Variants in DOT1L observed in about 807,000 individuals in gnomAD.
DOT1L encodes histone-lysine N-methyltransferase, H3 lysine-79 specific.
A neutral mutation model predicts 153.3 loss-of-function variants in DOT1L; 33 were observed. The ratio of observed to expected loss-of-function variants is 0.22; its 90% CI spans 0.16 to 0.29. The LOEUF (loss-of-function observed/expected upper bound fraction) is 0.29. Among genes scored for constraint, DOT1L ranks in the 10% least tolerant of loss-of-function variants. DOT1L has a pLI of 1.00. For missense variants in DOT1L, 1,847 were observed against 2,119.9 expected (o/e 0.87, Z 2.53); for synonymous variants, 1,135 against 965.1 (o/e 1.18, Z -3.26).
rs770252975 is a variant in DOT1L, at chr19:2,208,894, T to C, written c.964-41T>C. On this transcript the variant is annotated intron_variant, in intron 11 of 27. Coordinates refer to ENST00000398665, the MANE Select transcript of DOT1L (RefSeq NM_032482.3). This position sits in a 1 kb window ranked among gnomAD's most constrained non-coding sequence, Gnocchi z 4.4. ...TGTCCAGACAAATCCGAACAGAGAT[T>C]GGGACTCCCTTCTAATCAGGGTTCT... 6.2e-6 allele frequency: 10 copies of C among 1,602,608 alleles called. No individual in the cohort carries two copies. In the South Asian group the frequency reaches 6.7e-5, roughly 11 times the overall value.
At chr19:2,214,407 A>T in intron 18 of DOT1L, 64 bp from the exon 19 acceptor site, 1 of 1,584,618 alleles carries the variant, frequency 6.3e-7, no homozygotes, top group Non-Finnish European at 8.6e-7. Flanking sequence ...CCCTGCCCTG[A>T]GAGTGTGGGG....
Position 2,190,860 on chromosome 19 carries a change from A to T in DOT1L, c.265-152A>T. The T allele has an allele frequency of 2.9e-6, 2 of 699,770 alleles. No individual in the cohort carries two copies. The allele number at this position is 699,770 out of a possible 1,614,324, so 43.3% of individuals were successfully genotyped here. On this transcript the variant is annotated intron_variant, in intron 4 of 27. Transcript: ENST00000398665. The surrounding 1 kb of genome is among the most constrained non-coding windows in gnomAD (Gnocchi z 4.8). The stretch of plus-strand genomic sequence containing the variant: ...TGTAGGAAATGGGGCTGGGTTGGAA[A>T]CTGACCTGGGAGCCCGGCAGCCACC...
In DOT1L at chr19:2,185,816, A is replaced by C. The variant is rs778588021; in HGVS notation, c.126-39A>C. 226 of 1,607,604 alleles carry C rather than the reference A, an allele frequency of 1.4e-4. 1 individual carries two copies. In the Middle Eastern group the frequency reaches 1.8e-3, roughly 13 times the overall value. On this transcript the variant is annotated intron_variant, in intron 2 of 27. Coordinates refer to ENST00000398665, the MANE Select transcript of DOT1L (RefSeq NM_032482.3). ...CAAAACACAAAACAAAACAAAAAAA[A>C]CCAAACCCTTCCTGATCGTTTCTGC...
intron 1 of DOT1L, among the ~76,000 whole-genome samples, chr19:2,166,327 C>G (rs985889236): frequency 6.7e-6 from 1 of 149,552 alleles, no homozygotes; most frequent in Non-Finnish European, 1.5e-5. Context: ...AACTCCTGAC[C>G]TCTGGTGATC....
In DOT1L at chr19:2,168,331, G is replaced by A. The variant is rs1273416414; in HGVS notation, c.81+4066G>A. ...AAAAAATTTAAAACAGTGAAGTTAA[G>A]TAGATTATAAATAGAAGTTCAGCAG... On this transcript the variant is annotated intron_variant, in intron 1 of 27. Transcript: ENST00000398665. 3.9e-5 allele frequency among the ~76,000 whole-genome samples: 6 copies of A among 152,164 alleles called. No homozygotes were observed. The East Asian group carries it at 1.2e-3, about 29-fold the overall frequency.
chr19:2,226,059 T>C, intron 26 of DOT1L, 124 bp from the exon 27 acceptor site: 2 of 1,094,954 alleles, frequency 1.8e-6, no homozygotes, highest in East Asian at 5.4e-5. Flanking sequence ...GCTTGGCATC[T>C]TGAGTGTCTG....
chr19:2,172,138 A>G (rs2021668014), intron 1 of DOT1L, among the ~76,000 whole-genome samples: 1 of 151,798 alleles, frequency 6.6e-6, no homozygotes, highest in South Asian at 2.1e-4. Flanking sequence ...AGTTCTGCAC[A>G]GCATGCAGCT....
rs1221664937 is a variant in DOT1L, at chr19:2,207,072, G to A, written c.856+275G>A. ...CACTCCTCGGGGAGACCCCGGCTTCGAGGGGAGGCGTGAAGGATTTACAGG... is the reference window on the plus strand; with the variant it reads ...CACTCCTCGGGGAGACCCCGGCTTCAAGGGGAGGCGTGAAGGATTTACAGG... On this transcript the variant is annotated intron_variant, in intron 10 of 27. Transcript: ENST00000398665. This position sits in a 1 kb window ranked among gnomAD's most constrained non-coding sequence, Gnocchi z 4.5. Among the ~76,000 whole-genome samples, 2 of 152,206 alleles carry A rather than the reference G, an allele frequency of 1.3e-5. No homozygotes were observed. The highest frequency in any genetic ancestry group is 2.9e-5 in the Non-Finnish European group (2 of 68,032).
In DOT1L at chr19:2,220,137, C is replaced by A. The variant is rs749061261; in HGVS notation, c.2721C>A (p.Pro907=). ...GCACCCCCAGTCCCGTGCTGCAGCC[C>A]CGTGACCCCTCGTCCACACTTGAAA... ...ARSTPSPVLQ[P]RDPSSTLEKQ... Residue 907 remains proline (P), a synonymous_variant, in exon 23 of 28, where the codon CCC becomes CCA. Transcript: ENST00000398665. This position sits in a 1 kb window ranked among gnomAD's most constrained non-coding sequence, Gnocchi z 4.5. 1.3e-5 allele frequency: 21 copies of A among 1,612,652 alleles called. No homozygotes were observed. Among genetic ancestry groups the A allele is most frequent in the Admixed American group, 1.7e-5 (1 of 59,986 alleles).
chr19:2,217,984 G>A lies in DOT1L; in HGVS notation c.2691+66G>A. Reference sequence around the variant, plus strand: ...AGGCAAAACAGTCTGGGGTGCTCGAGACCTGGCTCACTTTGCGAAGTCTCA... The same window carrying A: ...AGGCAAAACAGTCTGGGGTGCTCGAAACCTGGCTCACTTTGCGAAGTCTCA... On this transcript the variant is annotated intron_variant, in intron 22 of 27. Transcript: ENST00000398665. This position sits in a 1 kb window ranked among gnomAD's most constrained non-coding sequence, Gnocchi z 7.3. 2 of 1,562,902 alleles carry A rather than the reference G, an allele frequency of 1.3e-6. No homozygotes were observed. The highest frequency in any genetic ancestry group is 8.7e-7 in the Non-Finnish European group (1 of 1,155,454).
At position 2,223,592 on chromosome 19, in the gene DOT1L, T is replaced by C. The variant is rs558881737; in HGVS notation, c.3596+106T>C. On this transcript the variant is annotated intron_variant, in intron 25 of 27. Coordinates refer to ENST00000398665, the MANE Select transcript of DOT1L (RefSeq NM_032482.3). ...TGGGTGGGGAGGACCGGCAGGCTCT[T>C]AGGGGGTGCCCTGGATGGGAGGAAG... The C allele has an allele frequency of 9.1e-5, 104 of 1,145,876 alleles. No homozygotes were observed. The African/African-American group carries it at 1.6e-3, about 17-fold the overall frequency. The allele number at this position is 1,145,876 out of a possible 1,614,324, so 71.0% of individuals were successfully genotyped here. A position where few individuals can be genotyped will look rare whatever the true frequency, so the allele number is the denominator to read the frequency against.
At position 2,191,288 on chromosome 19, in the gene DOT1L, C is replaced by T. The variant is rs113111011; in HGVS notation, c.493+48C>T. ...GGCTCCTGTGCACTTCCAGGCCACA[C>T]GCTCTGTGCCTGCCCCATGCCTGCT... On this transcript the variant is annotated intron_variant, in intron 5 of 27. Coordinates refer to ENST00000398665, the MANE Select transcript of DOT1L (RefSeq NM_032482.3). The surrounding 1 kb of genome is among the most constrained non-coding windows in gnomAD (Gnocchi z 6.8). 41 of 1,559,782 alleles carry T rather than the reference C, an allele frequency of 2.6e-5. 1 individual carries two copies. Among genetic ancestry groups the T allele is most frequent in the African/African-American group, 2.0e-4 (15 of 73,926 alleles).
rs2023545969 is a variant in DOT1L at position 2,207,456 on chromosome 19, G to GA, written c.857-116dup. On this transcript the variant is annotated intron_variant, in intron 10 of 27. Coordinates refer to ENST00000398665, the MANE Select transcript of DOT1L (RefSeq NM_032482.3). The surrounding 1 kb of genome is among the most constrained non-coding windows in gnomAD (Gnocchi z 4.5). ...CACTGTGGCCTGACGCAGTGTGGGA[G>GA]AAGAGGGAAGACGCGCAGCTCAGGC... The GA allele has an allele frequency of 1.2e-6, 1 of 815,222 alleles. No homozygotes were observed. Among genetic ancestry groups the GA allele is most frequent in the Non-Finnish European group, 1.9e-6 (1 of 525,220 alleles). 50.5% of individuals were successfully genotyped at this position (815,222 alleles called of 1,614,324 possible).
At chr19:2,228,376 G>T (rs2286331) in intron 27 of DOT1L, 20 of 1,296,110 alleles carry the variant, frequency 1.5e-5, no homozygotes, top group Admixed American at 4.5e-5. Flanking sequence ...AGTGCGTATT[G>T]TGTAAGGTAA....
At chr19:2,228,624 C>T (rs2024470924) in intron 27 of DOT1L, 8 of 985,390 alleles carry the variant, frequency 8.1e-6, no homozygotes, top group Admixed American at 6.1e-5. Context: ...GGTGACGCCG[C>T]AGGACTGAGG....
rs759739648 is a variant in DOT1L at position 2,213,556 on chromosome 19, C to T, written c.1575C>T (p.Leu525=). 1 of 1,613,094 alleles carries T rather than the reference C, an allele frequency of 6.2e-7. No individual in the cohort carries two copies. The highest frequency in any genetic ancestry group is 8.5e-7 in the Non-Finnish European group (1 of 1,179,970). ...TCCTACAGGAGAAGAACGCCCAGCTCCTGGGTGCGGCTCAGCAGCTCCTCA... is the reference window on the plus strand; with the variant it reads ...TCCTACAGGAGAAGAACGCCCAGCTTCTGGGTGCGGCTCAGCAGCTCCTCA... ...LGQEKEKNAQ[L]LGAAQQLLSH... is the part of the protein sequence containing the mutation. The change falls in exon 17 of 28, where the codon CTC becomes CTT. Residue 525 remains leucine, a synonymous_variant. Transcript: ENST00000398665.
At chr19:2,189,161 G>C (rs1012122825) in intron 3 of DOT1L, among the ~76,000 whole-genome samples, 5 of 152,216 alleles carry the variant, frequency 3.3e-5, no homozygotes, top group Non-Finnish European at 7.4e-5. Context: ...ATGACACACT[G>C]CTGACGTGTG....
intron 27 of DOT1L, chr19:2,229,296 A>G: frequency 2.0e-6 from 2 of 985,430 alleles, no homozygotes; most frequent in Non-Finnish European, 2.4e-6. Flanking sequence ...GGCGTAGTGC[A>G]AAGGTGCCCT....
chr19:2,194,391 G>A (rs951548225), intron 6 of DOT1L, 124 bp from the exon 7 acceptor site: 15 of 991,464 alleles, frequency 1.5e-5, no homozygotes, highest in African/African-American at 3.2e-5. Flanking sequence ...CAGGATGGTC[G>A]CAATCTCCTG....
Sources: gnomAD v4.1 joint callset for allele counts (sites outside exome capture counted in the v4.1 genomes callset) on GRCh38, gnomAD v4.1.1 for gene constraint, Gnocchi (gnomAD v3.1) non-coding constraint, MANE v1.5 for transcripts, NCBI Gene and HGNC (gene_info 2026-07-23, HGNC 2026-07-21) for gene names.